Variants in UBE3D observed in about 807,000 individuals in gnomAD.
The protein encoded by UBE3D is ubiquitin protein ligase E3D.
A neutral mutation model predicts 49.6 loss-of-function variants in UBE3D; 48 were observed. The ratio of observed to expected loss-of-function variants is 0.97; its 90% CI spans 0.77 to 1.23. The LOEUF is 1.23. UBE3D is among the 50% of genes most tolerant of loss of function. The pLI is 0.00. For synonymous variants in UBE3D, 189 were observed against 174.2 expected (o/e 1.08, Z -0.67); for missense variants, 452 against 468.4 (o/e 0.96, Z 0.32).
intron 8 of UBE3D, among the ~76,000 whole-genome samples, chr6:82,976,080 T>C (rs1189273918): frequency 4.6e-5 from 7 of 152,216 alleles, no homozygotes; most frequent in African/African-American, 1.7e-4. Context: ...TTATTTCAGG[T>C]AATTTTCATT....
chr6:83,059,284 G>A lies in UBE3D; in HGVS notation c.78-1262C>T, dbSNP rs1479161790. ...CGCACCTGTAGTCCTAGCCACTCAG[G>A]AGGCTGAGATGGGGAGGATCACTTA... On this transcript the variant is annotated intron_variant, in intron 1 of 9. Transcript: ENST00000369747. Among the ~76,000 whole-genome samples the A allele has an allele frequency of 2.0e-5, 3 of 152,158 alleles. No individual in the cohort carries two copies. The East Asian group carries it at 5.8e-4, about 29-fold the overall frequency.
chr6:82,985,399 G>C (rs534225751), intron 8 of UBE3D, among the ~76,000 whole-genome samples: 1 of 152,066 alleles, frequency 6.6e-6, no homozygotes, highest in East Asian at 1.9e-4. Context: ...ATCTCTTTCT[G>C]TTGCCCAGGC....
intron 7 of UBE3D, among the ~76,000 whole-genome samples, chr6:83,022,079 T>A (rs1470675254): frequency 2.0e-5 from 3 of 152,038 alleles, no homozygotes; most frequent in Non-Finnish European, 2.9e-5. Context: ...CAGGCTTGAG[T>A]GCAGCGGCAC....
intron 8 of UBE3D, among the ~76,000 whole-genome samples, chr6:83,016,832 A>G (rs1780731774): frequency 6.6e-6 from 1 of 152,284 alleles, no homozygotes; most frequent in Middle Eastern, 3.4e-3. Flanking sequence ...TTGGAGTCCA[A>G]TGTTCAAGGG....
At chr6:82,909,577 C>G (rs1165797751) in intron 9 of UBE3D, among the ~76,000 whole-genome samples, 1 of 152,228 alleles carries the variant, frequency 6.6e-6, no homozygotes, top group Non-Finnish European at 1.5e-5. Context: ...TGACTTTTAA[C>G]ATAAGCATTC....
At chr6:83,049,455 A>G (rs1243033115) in intron 3 of UBE3D, among the ~76,000 whole-genome samples, 2 of 152,250 alleles carry the variant, frequency 1.3e-5, no homozygotes. Context: ...GTATAATTTT[A>G]TTCCAAAAGT....
chr6:82,885,376 A>C, the UBE3D span, among the ~76,000 whole-genome samples: 3 of 152,164 alleles, frequency 2.0e-5, no homozygotes, highest in East Asian at 3.9e-4. Context: ...GGGGATGACA[A>C]GGAGGGGTGG....
intron 1 of UBE3D, among the ~76,000 whole-genome samples, chr6:83,058,911 T>C (rs917731656): frequency 1.3e-5 from 2 of 152,160 alleles, no homozygotes; most frequent in Admixed American, 6.5e-5. Context: ...CAAACCTGAG[T>C]CAAAAGTTCA....
At position 82,923,269 on chromosome 6, in the gene UBE3D, T is replaced by C. The variant is rs540489860; in HGVS notation, c.1150-30227A>G. Reference sequence around the variant, plus strand: ...AAAGACACACGTACACGTATGTTTATTGCAGCACTATTCACAATAGCAAAG... The same window carrying C: ...AAAGACACACGTACACGTATGTTTACTGCAGCACTATTCACAATAGCAAAG... On this transcript the variant is annotated intron_variant, in intron 9 of 9. Transcript: ENST00000369747. 5.9e-5 allele frequency among the ~76,000 whole-genome samples: 9 copies of C among 152,374 alleles called. No homozygotes were observed. In the South Asian group the frequency reaches 1.0e-3, roughly 18 times the overall value.
chr6:83,024,501 T>G (rs572865236), intron 5 of UBE3D, among the ~76,000 whole-genome samples: 1 of 152,302 alleles, frequency 6.6e-6, no homozygotes, highest in Admixed American at 6.5e-5. Flanking sequence ...ATACACACTT[T>G]GGGGAACTAA....
chr6:83,007,951 A>C (rs370658287), intron 8 of UBE3D, among the ~76,000 whole-genome samples: 1 of 84,930 alleles, frequency 1.2e-5, no homozygotes, highest in South Asian at 4.3e-4. Flanking sequence ...TCTCAAAAAA[A>C]GTAAAAAATA....
the UBE3D span, among the ~76,000 whole-genome samples, chr6:82,885,581 C>T: frequency 6.6e-6 from 1 of 152,190 alleles, no homozygotes; most frequent in Non-Finnish European, 1.5e-5. Flanking sequence ...GGCGGCATTT[C>T]AACCCAGGCA....
intron 8 of UBE3D, among the ~76,000 whole-genome samples, chr6:82,972,589 T>C (rs2127707740): frequency 6.6e-6 from 1 of 152,320 alleles, no homozygotes; most frequent in Middle Eastern, 3.4e-3. Flanking sequence ...AAAATAATCA[T>C]ATAAAAATAT....
At chr6:82,998,200 C>T (rs938973236) in intron 8 of UBE3D, among the ~76,000 whole-genome samples, 1 of 152,154 alleles carries the variant, frequency 6.6e-6, no homozygotes, top group African/African-American at 2.4e-5. Flanking sequence ...TTAAATGTTC[C>T]GTTTATTTTG....
At position 83,010,923 on chromosome 6, in the gene UBE3D, A is replaced by G. The variant is rs114042752; in HGVS notation, c.1010+8050T>C. Among the ~76,000 whole-genome samples the G allele has an allele frequency of 1.1e-3, 162 of 152,264 alleles. 2 individuals carry two copies. The highest frequency in any genetic ancestry group is 3.8e-3 in the African/African-American group (158 of 41,560). ...TGGCAACACCCTCATCGACACACCC[A>G]GAGTCAATACTTTGCATCCAGTCAA... On this transcript the variant is annotated intron_variant, in intron 8 of 9. Transcript: ENST00000369747.
intron 1 of UBE3D, among the ~76,000 whole-genome samples, chr6:83,059,350 T>C (rs926258968): frequency 6.6e-6 from 1 of 152,106 alleles, no homozygotes; most frequent in Admixed American, 6.6e-5. Context: ...CGCCAATGCA[T>C]GTCAGCCTGG....
chr6:82,926,992 G>A (rs1008469468), intron 9 of UBE3D, among the ~76,000 whole-genome samples: 5 of 152,034 alleles, frequency 3.3e-5, no homozygotes, highest in African/African-American at 1.2e-4. Flanking sequence ...ATTTTACATT[G>A]AGGTCTGTGA....
intron 8 of UBE3D, among the ~76,000 whole-genome samples, chr6:82,970,611 G>A (rs531928043): frequency 7.9e-5 from 12 of 152,212 alleles, no homozygotes; most frequent in East Asian, 1.9e-4. Context: ...AGGTCGAGGC[G>A]GGCAGATCAC....
intron 9 of UBE3D, among the ~76,000 whole-genome samples, chr6:82,931,541 C>G (rs1477235002): frequency 6.6e-6 from 1 of 152,238 alleles, no homozygotes; most frequent in East Asian, 1.9e-4. Flanking sequence ...GGGAGCCCAC[C>G]TCTTGCATCA....
Sources: allele counts gnomAD v4.1 joint callset (sites outside exome capture counted in the v4.1 genomes callset), GRCh38; gene constraint gnomAD v4.1.1; transcripts MANE v1.5; gene names NCBI Gene and HGNC (gene_info 2026-07-23, HGNC 2026-07-21).